CPEB1: variants seen among roughly 807,000 people sequenced by gnomAD.
The protein encoded by CPEB1 is cytoplasmic polyadenylation element-binding protein 1.
CPEB1 carries 7 observed loss-of-function variants against 65.8 expected under a neutral mutation model. The ratio of observed to expected loss-of-function variants is 0.11; its 90% CI spans 0.06 to 0.20. CPEB1 has a LOEUF of 0.20. Among genes scored for constraint, CPEB1 ranks in the 10% least tolerant of loss-of-function variants. CPEB1 has a pLI of 1.00. For synonymous variants in CPEB1, 262 were observed against 260.0 expected (o/e 1.01, Z -0.08); for missense variants, 551 against 712.2 (o/e 0.77, Z 2.58).
intron 3 of CPEB1, among the ~76,000 whole-genome samples, chr15:82,590,955 T>G (rs900214774): frequency 6.6e-6 from 1 of 152,230 alleles, no homozygotes; most frequent in East Asian, 1.9e-4. Context: ...TTTGCTATTG[T>G]GAATAGCACT....
chr15:82,620,544 T>A (rs182977480), intron 3 of CPEB1, among the ~76,000 whole-genome samples: 141 of 152,112 alleles, frequency 9.3e-4, no homozygotes, highest in Admixed American at 2.4e-3. Context: ...ATGCCTATAA[T>A]CCCAACACTT....
chr15:82,554,407 C>T (rs185740040), intron 6 of CPEB1, among the ~76,000 whole-genome samples: 2 of 152,274 alleles, frequency 1.3e-5, no homozygotes, highest in African/African-American at 4.8e-5. Flanking sequence ...GGGCCTTCTC[C>T]CCAATGTTCA....
chr15:82,572,380 G>C (rs913283802), intron 3 of CPEB1, among the ~76,000 whole-genome samples: 1 of 152,174 alleles, frequency 6.6e-6, no homozygotes, highest in Non-Finnish European at 1.5e-5. Context: ...ACAGAGAAAG[G>C]GGGTAAGCGT....
intron 3 of CPEB1, among the ~76,000 whole-genome samples, chr15:82,576,528 T>A (rs1407710946): frequency 6.6e-6 from 1 of 152,220 alleles, no homozygotes; most frequent in Non-Finnish European, 1.5e-5. Flanking sequence ...TGTAGCAATG[T>A]CTACAATTTA....
chr15:82,647,532 T>C (rs1272832780), upstream of CPEB1: 1 of 276,448 alleles, frequency 3.6e-6, no homozygotes, highest in East Asian at 6.2e-5. Context: ...TGCTCCTTTA[T>C]GTCCGGTCAG....
chr15:82,613,609 C>T (rs983937179), intron 3 of CPEB1, among the ~76,000 whole-genome samples: 15 of 152,248 alleles, frequency 9.9e-5, no homozygotes, highest in Admixed American at 8.5e-4. Context: ...CTCTAACCAC[C>T]TCAACCTCCC....
At chr15:82,559,338 G>A (rs2037794341) in intron 4 of CPEB1, among the ~76,000 whole-genome samples, 1 of 152,098 alleles carries the variant, frequency 6.6e-6, no homozygotes, top group Non-Finnish European at 1.5e-5. Flanking sequence ...GATAAGACAT[G>A]GTAGGTGTAT....
intron 3 of CPEB1, chr15:82,572,966 A>G: frequency 1.4e-6 from 2 of 1,385,394 alleles, no homozygotes; most frequent in Non-Finnish European, 9.4e-7. Context: ...TTCCTCATAA[A>G]GGAGGGTAGG....
chr15:82,549,327 A>AT, intron 10 of CPEB1, 133 bp downstream of exon 10: 1 of 807,664 alleles, frequency 1.2e-6, no homozygotes, highest in South Asian at 1.7e-5. Context: ...AGAAAAAGAT[A>AT]TTATGGTGCT....
At position 82,543,934 on chromosome 15, in the gene CPEB1, ATAT is replaced by A. The variant is rs2034724119; in HGVS notation, c.*655_*657del. 1.3e-5 allele frequency: 2 copies of A among 152,346 alleles called. No homozygotes were observed. Among genetic ancestry groups the A allele is most frequent in the African/African-American group, 2.4e-5 (1 of 41,440 alleles). The allele number at this position is 152,346 out of a possible 1,614,324, so 9.4% of individuals were successfully genotyped here. ...GTTAAAAGCTGCCAGGAAAGAAAAA[ATAT>A]CTTGTTCCAAACGACTTAAAAACTG... On this transcript the variant is annotated 3_prime_UTR_variant, in exon 13 of 13. Coordinates refer to ENST00000684509, the MANE Select transcript of CPEB1 (RefSeq NM_001365242.1).
At chr15:82,626,836 TTGGGTTAAATAAAATA>T (rs2045819568) in intron 3 of CPEB1, among the ~76,000 whole-genome samples, 1 of 152,210 alleles carries the variant, frequency 6.6e-6, no homozygotes, top group Admixed American at 6.5e-5. Context: ...TTATAATATA[TTGGGTTAAATAAAATA>T]TTAATTTCAT....
At chr15:82,637,820 A>T (rs886760330) in intron 1 of CPEB1, among the ~76,000 whole-genome samples, 2 of 152,166 alleles carry the variant, frequency 1.3e-5, no homozygotes, top group African/African-American at 4.8e-5. Flanking sequence ...CTTAAAAATT[A>T]CTGAGGTAAT....
chr15:82,579,820 G>C (rs538453584), intron 3 of CPEB1, among the ~76,000 whole-genome samples: 7 of 148,562 alleles, frequency 4.7e-5, no homozygotes, highest in African/African-American at 1.7e-4. Context: ...GCTGAGGCAG[G>C]AGAATGGCGT....
At chr15:82,626,119 C>CA (rs561273069) in intron 3 of CPEB1, among the ~76,000 whole-genome samples, 8 of 143,286 alleles carry the variant, frequency 5.6e-5, no homozygotes, top group South Asian at 2.3e-4. Context: ...GACTCTGTCT[C>CA]AAAAAAAAGA....
intron 3 of CPEB1, among the ~76,000 whole-genome samples, chr15:82,614,633 TGA>T (rs2044514055): frequency 6.6e-6 from 1 of 152,128 alleles, no homozygotes; most frequent in Non-Finnish European, 1.5e-5. Context: ...GCACCCAGTT[TGA>T]GAGAATGTAT....
chr15:82,548,698 C>A (rs1334750137), intron 10 of CPEB1: 2 of 455,630 alleles, frequency 4.4e-6, no homozygotes, highest in Admixed American at 2.4e-5. Context: ...CTGGAAGAAG[C>A]CCCATCCTGC....
chr15:82,594,082 TTCATTAGCC>T (rs1272162917), intron 3 of CPEB1, among the ~76,000 whole-genome samples: 6 of 152,188 alleles, frequency 3.9e-5, no homozygotes, highest in Non-Finnish European at 7.3e-5. Context: ...AGTTACCAGT[TTCATTAGCC>T]TGTAACAAGA....
intron 3 of CPEB1, among the ~76,000 whole-genome samples, chr15:82,596,363 GA>G (rs574080384): frequency 6.6e-6 from 1 of 151,606 alleles, no homozygotes; most frequent in Admixed American, 6.6e-5. Context: ...TTCCATCTGA[GA>G]AAAAAAAGCC....
At chr15:82,617,724 GTTTTTT>G (rs35267620) in intron 3 of CPEB1, among the ~76,000 whole-genome samples, 27 of 83,862 alleles carry the variant, frequency 3.2e-4, no homozygotes, top group African/African-American at 6.3e-4. Flanking sequence ...TTCTATTAAA[GTTTTTT>G]TTTTTTTTTT....
Sources: allele counts gnomAD v4.1 joint callset (sites outside exome capture counted in the v4.1 genomes callset), GRCh38; gene constraint gnomAD v4.1.1; transcripts MANE v1.5; gene names NCBI Gene and HGNC (gene_info 2026-07-23, HGNC 2026-07-21).